Variants in MTOR observed in about 807,000 individuals in gnomAD.
MTOR encodes serine/threonine-protein kinase mTOR.
Under a neutral mutation model 319.8 loss-of-function variants are expected in MTOR, and 70 were observed. That is an observed-to-expected ratio of 0.22 (90% confidence interval 0.18 to 0.27). The LOEUF is 0.27. Ranked by LOEUF, MTOR falls within the 10% of genes least tolerant of loss-of-function variation. MTOR has a pLI of 1.00. For missense variants in MTOR, 1,890 were observed against 3,274.4 expected, an observed-to-expected ratio of 0.58 and a Z score of 10.32; for synonymous variants, 1,183 against 1,211.4, an observed-to-expected ratio of 0.98 and a Z score of 0.49.
At chr1:11,190,329 G>A (rs1034687107) in intron 28 of MTOR, among the ~76,000 whole-genome samples, 4 of 152,204 alleles carry the variant, frequency 2.6e-5, no homozygotes, top group African/African-American at 9.6e-5. Context: ...GCACCAAACT[G>A]TAACAGCTGT....
intron 20 of MTOR, among the ~76,000 whole-genome samples, chr1:11,213,806 A>C (rs1258103078): frequency 6.6e-6 from 1 of 152,158 alleles, no homozygotes; most frequent in Non-Finnish European, 1.5e-5. Context: ...GGCTTTGCTC[A>C]TGCTGCTTCC....
chr1:11,231,122 T>C, intron 17 of MTOR, 68 bp from the exon 18 acceptor site: 1 of 1,611,190 alleles, frequency 6.2e-7, no homozygotes, highest in East Asian at 2.2e-5. Flanking sequence ...GTATCACGGA[T>C]ACTCCTCTCA....
Position 11,241,535 on chromosome 1 carries a change from C to T in MTOR, c.1541+18G>A, listed in dbSNP as rs996886919. On this transcript the variant is annotated intron_variant, in intron 10 of 57. Coordinates refer to ENST00000361445, the MANE Select transcript of MTOR (RefSeq NM_004958.4). ...GCCTCACGCTGATACAGGGCAAGCTCAGGTTTCTGACACCCACCTTAGTCC... is the reference window on the plus strand; with the variant it reads ...GCCTCACGCTGATACAGGGCAAGCTTAGGTTTCTGACACCCACCTTAGTCC... 1.2e-6 allele frequency: 2 copies of T among 1,602,834 alleles called. No individual in the cohort carries two copies. Among genetic ancestry groups the T allele is most frequent in the Non-Finnish European group, 1.7e-6 (2 of 1,172,864 alleles).
chr1:11,212,865 T>C lies in MTOR; in HGVS notation c.3329A>G (p.Tyr1110Cys). Residue 1110 changes from tyrosine to cysteine, a missense_variant, in exon 22 of 58, where the codon TAC (tyrosine) becomes TGC (cysteine). Tyr to Cys is a radical substitution (Grantham distance 194, BLOSUM62 -2). This residue lies in a region of MTOR where 377 missense variants were observed against 653.9 expected (regional missense o/e 0.58). Transcript: ENST00000361445. The surrounding 1 kb of genome is among the most constrained non-coding windows in gnomAD (Gnocchi z 4.1). ...AATAGGAGGCAGCAGTAAATGCAGG[T>C]AGTCATCCAGGTTGGCGCCAAACAG... is the stretch of plus-strand genomic sequence containing the variant. ...IQLFGANLDD[Y>C]LHLLLPPIVK... The C allele has an allele frequency of 6.2e-7, 1 of 1,614,034 alleles. No individual in the cohort carries two copies. Among genetic ancestry groups the C allele is most frequent in the Non-Finnish European group, 8.5e-7 (1 of 1,179,962 alleles).
At chr1:11,239,914 A>G (rs1557469674) in intron 11 of MTOR, among the ~76,000 whole-genome samples, 2 of 151,958 alleles carry the variant, frequency 1.3e-5, no homozygotes, top group Non-Finnish European at 2.9e-5. Flanking sequence ...AAAAAAAAAA[A>G]AAAAGAAAGA....
At chr1:11,225,422 CTTT>C (rs201304113) in intron 19 of MTOR, among the ~76,000 whole-genome samples, 8,624 of 137,016 alleles carry the variant, frequency 0.063, 342 homozygotes, top group South Asian at 0.13. Flanking sequence ...AAAATTGGTT[CTTT>C]TTTTTTTTTT....
In MTOR at chr1:11,130,585, C is replaced by T. The variant is rs2100430423; in HGVS notation, c.5557G>A (p.Ala1853Thr). 6.2e-7 allele frequency: 1 copy of T among 1,613,744 alleles called. No individual in the cohort carries two copies. The highest frequency in any genetic ancestry group is 8.5e-7 in the Non-Finnish European group (1 of 1,179,998). ...STEGSNSESEAESTENSPTPS... is the reference protein window; with the variant it reads ...STEGSNSESETESTENSPTPS... Reference sequence around the variant, plus strand: ...GTGGGGCTGTTCTCGGTGCTCTCGGCCTCGCTCTCACTGTTGCTGCCCTCG... The same window carrying T: ...GTGGGGCTGTTCTCGGTGCTCTCGGTCTCGCTCTCACTGTTGCTGCCCTCG... The change falls in exon 39 of 58, where the codon GCC (alanine) becomes ACC (threonine). Residue 1853 changes from alanine (A) to threonine (T), a missense_variant. Around this residue, in one of 15 missense-constraint regions of MTOR, gnomAD observed 91 missense variants for 90.4 expected, o/e 1.01. Transcript: ENST00000361445.
intron 25 of MTOR, among the ~76,000 whole-genome samples, chr1:11,208,693 C>A (rs1175253210): frequency 6.6e-6 from 1 of 152,232 alleles, no homozygotes; most frequent in East Asian, 1.9e-4. Flanking sequence ...TGCTTTGAAA[C>A]TGCCTGTTTT....
chr1:11,146,453 A>C (rs777100702), intron 32 of MTOR, among the ~76,000 whole-genome samples: 2 of 152,220 alleles, frequency 1.3e-5, no homozygotes, highest in Non-Finnish European at 2.9e-5. Flanking sequence ...CAACCGAGAC[A>C]GTAGCTTCCA....
At position 11,237,825 on chromosome 1, in the gene MTOR, G is replaced by A; in HGVS notation, c.2208+18C>T. 1 of 1,613,490 alleles carries A rather than the reference G, an allele frequency of 6.2e-7. No individual in the cohort carries two copies. On this transcript the variant is annotated intron_variant, in intron 13 of 57. Coordinates refer to ENST00000361445, the MANE Select transcript of MTOR (RefSeq NM_004958.4). ...TCCTGTCTTCCCTGCCTGTGGGTCT[G>A]GCCATCACCTCGGTTACCTGGATGA...
intron 47 of MTOR, among the ~76,000 whole-genome samples, chr1:11,123,805 G>T (rs936049424): frequency 6.6e-6 from 1 of 151,608 alleles, no homozygotes; most frequent in African/African-American, 2.4e-5. Context: ...ATTTATTTTT[G>T]AGATGGAGTT....
chr1:11,133,112 C>CTGT lies in MTOR; in HGVS notation c.5331_5332insACA (p.Ser1777_Ala1778insThr). 1 of 1,614,122 alleles carries CTGT rather than the reference C, an allele frequency of 6.2e-7. No homozygotes were observed. Among genetic ancestry groups the CTGT allele is most frequent in the Non-Finnish European group, 8.5e-7 (1 of 1,180,010 alleles). On this transcript the variant is annotated inframe_insertion, in exon 38 of 58. Transcript: ENST00000361445. The surrounding 1 kb of genome is among the most constrained non-coding windows in gnomAD (Gnocchi z 4.0). ...CAGCTGCGGTCGTGCTCTGTGGCGG[C>CTGT]GCTGTAGTACTGCAGCACTTTGGGG...
chr1:11,193,622 A>G (rs768366034), intron 28 of MTOR: 2 of 1,611,858 alleles, frequency 1.2e-6, no homozygotes, highest in South Asian at 2.2e-5. Flanking sequence ...CTGGACCATC[A>G]TCCAGAGACG....
Position 11,106,729 on chromosome 1 carries a change from A to G in MTOR, c.*756T>C. ...TTTCTGTTTTCTGAGCCCTTGCTCT[A>G]AACAGAGTATTTTGACCACTGAAAA... is the stretch of plus-strand genomic sequence containing the variant. On this transcript the variant is annotated 3_prime_UTR_variant, in exon 58 of 58. Coordinates refer to ENST00000361445, the MANE Select transcript of MTOR (RefSeq NM_004958.4). 2 of 1,226,278 alleles carry G rather than the reference A, an allele frequency of 1.6e-6. No individual in the cohort carries two copies. Among genetic ancestry groups the G allele is most frequent in the African/African-American group, 3.0e-5 (2 of 65,902 alleles). 76.0% of individuals were successfully genotyped at this position (1,226,278 alleles called of 1,614,324 possible). A position where few individuals can be genotyped will look rare whatever the true frequency, so the allele number is the denominator to read the frequency against.
intron 29 of MTOR, among the ~76,000 whole-genome samples, chr1:11,166,910 C>T (rs1453451543): frequency 1.3e-5 from 2 of 152,084 alleles, no homozygotes; most frequent in Non-Finnish European, 2.9e-5. Flanking sequence ...GAATACTATG[C>T]AGCCATAAAA....
chr1:11,262,201 C>T (rs1651229859), intron 1 of MTOR, among the ~76,000 whole-genome samples: 1 of 152,192 alleles, frequency 6.6e-6, no homozygotes, highest in Non-Finnish European at 1.5e-5. Context: ...AGCTGATGGG[C>T]CGGCCTTCGG....
Position 11,145,029 on chromosome 1 carries a change from C to T in MTOR, c.4703G>A (p.Arg1568Lys). ...AGTTAATTCAGCATCCAGCAGGTCC[C>T]TGGCCTTGTCAATGCACTAGAAGAG... is the stretch of plus-strand genomic sequence containing the variant. ...SLAQQCIDKA[R>K]DLLDAELTAM... The change falls in exon 33 of 58, where the codon AGG (arginine) becomes AAG (lysine). Residue 1568 changes from arginine (R) to lysine (K), a missense_variant. Arg to Lys is a conservative substitution (Grantham distance 26). Around this residue, in one of 15 missense-constraint regions of MTOR, gnomAD observed 276 missense variants for 459.4 expected, o/e 0.60. Coordinates refer to ENST00000361445, the MANE Select transcript of MTOR (RefSeq NM_004958.4). 6.2e-7 allele frequency: 1 copy of T among 1,614,188 alleles called. No homozygotes were observed. Among genetic ancestry groups the T allele is most frequent in the Non-Finnish European group, 8.5e-7 (1 of 1,180,014 alleles).
intron 26 of MTOR, among the ~76,000 whole-genome samples, chr1:11,200,257 G>A (rs1328532772): frequency 6.6e-6 from 1 of 152,180 alleles, no homozygotes; most frequent in East Asian, 1.9e-4. Flanking sequence ...GGCAGCATCT[G>A]CAATTGCTTT....
chr1:11,242,329 T>G (rs1648156261), intron 9 of MTOR, among the ~76,000 whole-genome samples: 1 of 151,816 alleles, frequency 6.6e-6, no homozygotes, highest in South Asian at 2.1e-4. Flanking sequence ...TGAAAACCTG[T>G]GTCTACAAAA....
Sources: allele counts gnomAD v4.1 joint callset (sites outside exome capture counted in the v4.1 genomes callset), GRCh38; gene constraint gnomAD v4.1.1; regional missense constraint gnomAD v4.1.1; non-coding constraint Gnocchi (gnomAD v3.1); transcripts MANE v1.5; gene names NCBI Gene and HGNC (gene_info 2026-07-23, HGNC 2026-07-21).